The following NEDD4L variants were observed in gnomAD, a reference collection of about 807,000 sequenced individuals.
NEDD4L encodes the protein NEDD4 like E3 ubiquitin protein ligase, also known as E3 ubiquitin-protein ligase NEDD4-like.
NEDD4L carries 54 observed loss-of-function variants against 148.9 expected under a neutral mutation model. The observed-to-expected ratio is 0.36, with a 90% CI of 0.29 to 0.45. NEDD4L has a LOEUF of 0.45. Ranked by LOEUF, NEDD4L falls within the 20% of genes least tolerant of loss-of-function variation. NEDD4L has a pLI of 1.00. For missense variants in NEDD4L, 856 were observed against 1,233.8 expected (o/e 0.69, Z 4.59); for synonymous variants, 433 against 440.7 (o/e 0.98, Z 0.22).
intron 21 of NEDD4L, chr18:58,367,096 T>A (rs2046214361): frequency 6.6e-6 from 1 of 152,306 alleles, no homozygotes; most frequent in African/African-American, 2.4e-5. Context: ...GACAAGATCT[T>A]TACCTCTTCT....
intron 5 of NEDD4L, among the ~76,000 whole-genome samples, chr18:58,270,137 A>T (rs958793473): frequency 2.0e-5 from 3 of 152,198 alleles, no homozygotes; most frequent in Admixed American, 6.5e-5. Flanking sequence ...CCCTGCTGTA[A>T]ATATTAACTG....
In NEDD4L at chr18:58,366,955, C is replaced by A. The variant is rs3744865; in HGVS notation, c.2063+727C>A. On this transcript the variant is annotated intron_variant, in intron 21 of 30. Coordinates refer to ENST00000400345, the MANE Select transcript of NEDD4L (RefSeq NM_001144967.3). This position sits in a 1 kb window ranked among gnomAD's most constrained non-coding sequence, Gnocchi z 4.2. Reference sequence around the variant, plus strand: ...TCTCCTGGGGGCTCATTTGGAAGGCCGCCTCAGTACATTCTTCCTGGTTGC... The same window carrying A: ...TCTCCTGGGGGCTCATTTGGAAGGCAGCCTCAGTACATTCTTCCTGGTTGC... 0.38 allele frequency among the ~76,000 whole-genome samples: 58,092 copies of A among 152,116 alleles called. 12,924 individuals are homozygous for A. Among genetic ancestry groups the A allele is most frequent in the African/African-American group, 0.62 (25,573 of 41,472 alleles).
At chr18:58,309,197 CG>C (rs2057393354) in intron 5 of NEDD4L, among the ~76,000 whole-genome samples, 1 of 152,172 alleles carries the variant, frequency 6.6e-6, no homozygotes, top group African/African-American at 2.4e-5. Context: ...CACTGCCCCA[CG>C]GGGCCACGCC....
chr18:58,136,246 C>A (rs2032833888), intron 1 of NEDD4L, among the ~76,000 whole-genome samples: 1 of 152,002 alleles, frequency 6.6e-6, no homozygotes, highest in African/African-American at 2.4e-5. Context: ...GATTGTTCAC[C>A]CTGAGCCGAG....
rs2081477515 is a variant in NEDD4L at position 58,044,360 on chromosome 18, C to G, written c.-301C>G. 1 of 175,666 alleles carries G rather than the reference C, an allele frequency of 5.7e-6. No individual in the cohort carries two copies. Among genetic ancestry groups the G allele is most frequent in the South Asian group, 2.0e-4 (1 of 5,036 alleles). The allele number at this position is 175,666 out of a possible 1,614,324, so 10.9% of individuals were successfully genotyped here. A position where few individuals can be genotyped will look rare whatever the true frequency, so the allele number is the denominator to read the frequency against. ...GGGTCGCGGGGAGGGAAAGCCCGGC[C>G]GGGTCTGCGCCGCCGCCGCGCGCAG... On this transcript the variant is annotated 5_prime_UTR_variant, in exon 1 of 31. Coordinates refer to ENST00000400345, the MANE Select transcript of NEDD4L (RefSeq NM_001144967.3).
chr18:58,357,301 G>C (rs375643559), intron 19 of NEDD4L, 49 bp downstream of exon 19: 5 of 1,474,430 alleles, frequency 3.4e-6, no homozygotes, highest in Non-Finnish European at 3.8e-6. Flanking sequence ...TTGGTTACGT[G>C]TTTACGTGTT....
chr18:58,312,417 G>A (rs770352454), intron 5 of NEDD4L, among the ~76,000 whole-genome samples: 4 of 152,158 alleles, frequency 2.6e-5, no homozygotes, highest in Non-Finnish European at 4.4e-5. Context: ...ATTAAAAATT[G>A]ATTTGATTAA....
intron 19 of NEDD4L, among the ~76,000 whole-genome samples, chr18:58,361,484 G>A (rs565784442): frequency 2.0e-5 from 3 of 152,088 alleles, no homozygotes; most frequent in Non-Finnish European, 4.4e-5. Context: ...ACTCACAGTC[G>A]TCCCCTCAGA....
intron 1 of NEDD4L, among the ~76,000 whole-genome samples, chr18:58,060,844 C>T (rs767336941): frequency 1.2e-4 from 18 of 152,036 alleles, no homozygotes; most frequent in Non-Finnish European, 1.2e-4. Context: ...CTACAACCTC[C>T]GCCTCCTGGG....
At chr18:58,219,087 G>A (rs1246236824) in intron 2 of NEDD4L, among the ~76,000 whole-genome samples, 2 of 152,210 alleles carry the variant, frequency 1.3e-5, no homozygotes, top group South Asian at 4.1e-4. Flanking sequence ...ATTTGGTGCT[G>A]ATGGTCACTG....
intron 5 of NEDD4L, among the ~76,000 whole-genome samples, chr18:58,257,561 A>T (rs997637473): frequency 5.3e-5 from 8 of 152,134 alleles, no homozygotes; most frequent in Non-Finnish European, 1.0e-4. Flanking sequence ...CAAGCCGAGG[A>T]TGCTGTATAT....
At chr18:58,297,199 A>T (rs1225181394) in intron 5 of NEDD4L, among the ~76,000 whole-genome samples, 28 of 152,214 alleles carry the variant, frequency 1.8e-4, no homozygotes, top group Admixed American at 1.8e-3. Flanking sequence ...AGGCATTTTC[A>T]TGTAAGGTAA....
chr18:58,089,989 G>A (rs188084990), intron 1 of NEDD4L, among the ~76,000 whole-genome samples: 1 of 152,124 alleles, frequency 6.6e-6, no homozygotes, highest in Non-Finnish European at 1.5e-5. Context: ...ACAGGTATGT[G>A]CCACCACGCC....
chr18:58,152,405 G>T (rs569168037), intron 1 of NEDD4L, among the ~76,000 whole-genome samples: 2 of 152,146 alleles, frequency 1.3e-5, no homozygotes, highest in African/African-American at 4.8e-5. Flanking sequence ...AAAGATCTGG[G>T]AGATCTACAG....
At chr18:58,336,773 A>G (rs1314441663) in intron 13 of NEDD4L, among the ~76,000 whole-genome samples, 6 of 152,170 alleles carry the variant, frequency 3.9e-5, no homozygotes, top group African/African-American at 1.2e-4. Flanking sequence ...TCAGGTTAAG[A>G]TATTGAGCTA....
At chr18:58,277,277 A>C (rs1173166027) in intron 5 of NEDD4L, among the ~76,000 whole-genome samples, 2 of 152,178 alleles carry the variant, frequency 1.3e-5, no homozygotes, top group Admixed American at 1.3e-4. Flanking sequence ...CTGAAAACAT[A>C]AGCAACAAAT....
intron 5 of NEDD4L, among the ~76,000 whole-genome samples, chr18:58,302,011 A>T (rs2056533804): frequency 6.6e-6 from 1 of 152,208 alleles, no homozygotes; most frequent in Admixed American, 6.5e-5. Context: ...GAACTTCAGC[A>T]TAGTGAGAGA....
intron 16 of NEDD4L, among the ~76,000 whole-genome samples, chr18:58,346,029 G>A (rs1359733199): frequency 1.3e-5 from 2 of 151,986 alleles, no homozygotes; most frequent in South Asian, 2.1e-4. Context: ...AAAGTGCTGG[G>A]ATTATGGGCA....
At chr18:58,228,577 GA>G (rs1185114964) in intron 2 of NEDD4L, among the ~76,000 whole-genome samples, 1 of 152,248 alleles carries the variant, frequency 6.6e-6, no homozygotes, top group Non-Finnish European at 1.5e-5. Context: ...GCATTGACAA[GA>G]TACGGAAAAG....
Sources: allele counts gnomAD v4.1 joint callset (sites outside exome capture counted in the v4.1 genomes callset), GRCh38; gene constraint gnomAD v4.1.1; non-coding constraint Gnocchi (gnomAD v3.1); transcripts MANE v1.5; gene names NCBI Gene and HGNC (gene_info 2026-07-23, HGNC 2026-07-21).